Variants in SCYL3 observed in about 807,000 individuals in gnomAD.
The protein encoded by SCYL3 is SCY1 like pseudokinase 3.
SCYL3 carries 35 observed loss-of-function variants against 73.8 expected under a neutral mutation model. That is an observed-to-expected ratio of 0.47 (90% CI 0.36 to 0.63). The LOEUF is 0.63. Among genes scored for constraint, SCYL3 ranks in the 20% least tolerant of loss-of-function variants. The pLI is 0.00. For missense variants in SCYL3, 712 were observed against 798.9 expected, an observed-to-expected ratio of 0.89 and a Z score of 1.31; for synonymous variants, 277 against 295.2, an observed-to-expected ratio of 0.94 and a Z score of 0.63.
intron 10 of SCYL3, among the ~76,000 whole-genome samples, chr1:169,861,707 T>A (rs1312132469): frequency 6.6e-6 from 1 of 152,218 alleles, no homozygotes; most frequent in African/African-American, 2.4e-5. Flanking sequence ...TGTTAATCTA[T>A]CTCATAGGAA....
chr1:169,886,332 AGAG>A (rs1661688299), intron 2 of SCYL3, among the ~76,000 whole-genome samples: 1 of 152,186 alleles, frequency 6.6e-6, no homozygotes, highest in Admixed American at 6.5e-5. Context: ...TCAGTATGAG[AGAG>A]GAGAACAGCT....
Position 169,859,212 on chromosome 1 carries a change from C to T in SCYL3, c.1141G>A (p.Val381Ile), listed in dbSNP as rs1333035486. 1.2e-6 allele frequency: 2 copies of T among 1,607,976 alleles called. No homozygotes were observed. Among genetic ancestry groups the T allele is most frequent in the African/African-American group, 1.3e-5 (1 of 74,688 alleles). ...EQLKKVILPQ[V>I]LLGLRDTSDS... ...CTAGTATCACGCAGGCCCAGCAAAACCTAGGAGCAAATGAGGTAATAAGGG... is the reference window on the plus strand; with the variant it reads ...CTAGTATCACGCAGGCCCAGCAAAATCTAGGAGCAAATGAGGTAATAAGGG... The change falls in exon 11 of 13, where the codon GTT becomes ATT. Residue 381 changes from valine (V) to isoleucine (I), a missense_variant and splice_region_variant. Val to Ile is a conservative substitution (Grantham distance 29, BLOSUM62 3). Around this residue, in one of 2 missense-constraint regions of SCYL3, gnomAD observed 342 missense variants for 448.1 expected, o/e 0.76. Coordinates refer to ENST00000367771, the MANE Select transcript of SCYL3 (RefSeq NM_020423.7).
chr1:169,874,521 C>T (rs1427793156), intron 4 of SCYL3, among the ~76,000 whole-genome samples: 3 of 152,044 alleles, frequency 2.0e-5, no homozygotes, highest in Non-Finnish European at 4.4e-5. Flanking sequence ...GGAAGAAATG[C>T]ATTCCAGCAA....
At chr1:169,854,218 A>G in intron 12 of SCYL3, 52 bp downstream of exon 12, 1 of 1,389,714 alleles carries the variant, frequency 7.2e-7, no homozygotes, top group Non-Finnish European at 9.8e-7. Flanking sequence ...ACTAGGACCT[A>G]TGAGGGAAAT....
In SCYL3 at chr1:169,876,072, T is replaced by A. The variant is rs1660778427; in HGVS notation, c.371A>T (p.Asn124Ile). 6.2e-7 allele frequency: 1 copy of A among 1,601,108 alleles called. No individual in the cohort carries two copies. Among genetic ancestry groups the A allele is most frequent in the Non-Finnish European group, 8.5e-7 (1 of 1,173,284 alleles). The change falls in exon 4 of 13, where the codon AAT (asparagine) becomes ATT (isoleucine). Residue 124 changes from asparagine (N) to isoleucine (I), a missense_variant. This residue lies in a region of SCYL3 where 342 missense variants were observed against 448.1 expected (regional missense o/e 0.76). Transcript: ENST00000367771. The part of the protein sequence containing the change: ...LHDRGHLTHN[N>I]VCLSSVFVSE... ...CACAAACACAGATGATAAACAGACA[T>A]TATTGTGTGTTAGGTGTCCCTGGAA...
intron 7 of SCYL3, among the ~76,000 whole-genome samples, chr1:169,868,417 CTG>C (rs1276469952): frequency 1.3e-5 from 2 of 152,196 alleles, no homozygotes; most frequent in Non-Finnish European, 2.9e-5. Context: ...AAAAATATCT[CTG>C]AATCTAATAA....
At position 169,852,785 on chromosome 1, in the gene SCYL3, TCCAGCC is replaced by T; in HGVS notation, c.*922_*927del. The T allele has an allele frequency of 6.2e-7, 1 of 1,613,378 alleles. No individual in the cohort carries two copies. Among genetic ancestry groups the T allele is most frequent in the African/African-American group, 1.3e-5 (1 of 74,954 alleles). Reference sequence around the variant, plus strand: ...ATTGTGATATTACTTATGTTTTTTTTCCAGCCTTATGCAAAAAGAGCTCGTCAGGAG... The same window carrying T: ...ATTGTGATATTACTTATGTTTTTTTTTTATGCAAAAAGAGCTCGTCAGGAG... On this transcript the variant is annotated 3_prime_UTR_variant, in exon 13 of 13. Coordinates refer to ENST00000367771, the MANE Select transcript of SCYL3 (RefSeq NM_020423.7).
At chr1:169,855,113 A>G (rs1659008773) in intron 11 of SCYL3, 149 bp from the exon 12 acceptor site, 1 of 580,908 alleles carries the variant, frequency 1.7e-6, no homozygotes, top group Non-Finnish European at 3.0e-6. Flanking sequence ...CCAGCAGAAC[A>G]TTACTCAAGA....
intron 2 of SCYL3, among the ~76,000 whole-genome samples, chr1:169,880,169 G>T (rs1019133508): frequency 2.0e-5 from 3 of 151,682 alleles, no homozygotes; most frequent in African/African-American, 7.3e-5. Flanking sequence ...ATAACAAAAG[G>T]TCAAATAAAT....
chr1:169,855,771 A>G, intron 11 of SCYL3: 1 of 1,597,966 alleles, frequency 6.3e-7, no homozygotes, highest in Non-Finnish European at 8.5e-7. Flanking sequence ...GCAATGGAAA[A>G]GCTATATAAA....
At chr1:169,871,269 G>A (rs1660371117) in intron 5 of SCYL3, among the ~76,000 whole-genome samples, 1 of 152,210 alleles carries the variant, frequency 6.6e-6, no homozygotes, top group Admixed American at 6.5e-5. Context: ...ACCAGTGGCA[G>A]GTGACTGAAT....
chr1:169,877,713 G>C (rs1347313503), intron 3 of SCYL3, among the ~76,000 whole-genome samples: 1 of 152,162 alleles, frequency 6.6e-6, no homozygotes, highest in African/African-American at 2.4e-5. Context: ...TGGATTCAAG[G>C]ATGGGAGAGG....
intron 5 of SCYL3, among the ~76,000 whole-genome samples, chr1:169,872,905 T>C (rs1315807057): frequency 2.0e-5 from 3 of 152,240 alleles, no homozygotes; most frequent in Non-Finnish European, 4.4e-5. Flanking sequence ...CTAACTTGCT[T>C]CTGATTTTAC....
intron 2 of SCYL3, among the ~76,000 whole-genome samples, chr1:169,887,410 T>TA (rs1336271985): frequency 6.6e-6 from 1 of 152,020 alleles, no homozygotes; most frequent in Non-Finnish European, 1.5e-5. Context: ...AACACAATTT[T>TA]AAAAAAATCT....
In SCYL3 at chr1:169,852,520, C is replaced by CTTCT; in HGVS notation, c.*1189_*1192dup. On this transcript the variant is annotated 3_prime_UTR_variant, in exon 13 of 13. Transcript: ENST00000367771. ...ACATGTAAGCTTGGACTATGCAGCA[C>CTTCT]TTCTCATTGGGAGCCCTTTGGGACA... 2 of 464,734 alleles carry CTTCT rather than the reference C, an allele frequency of 4.3e-6. No homozygotes were observed. Among genetic ancestry groups the CTTCT allele is most frequent in the Non-Finnish European group, 7.7e-6 (2 of 260,692 alleles). 28.8% of individuals were successfully genotyped at this position (464,734 alleles called of 1,614,324 possible). A position where few individuals can be genotyped will look rare whatever the true frequency, so the allele number is the denominator to read the frequency against.
rs1266150294 is a variant in SCYL3 at position 169,854,452 on chromosome 1, C to A, written c.1825G>T (p.Val609Leu). The change falls in exon 12 of 13, where the codon GTA becomes TTA. Residue 609 changes from valine to leucine, a missense_variant. This residue lies in a region of SCYL3 where 370 missense variants were observed against 350.8 expected (regional missense o/e 1.05). Transcript: ENST00000367771. ...GGATCTTTTACTGGCTTCTTTTTTA[C>A]TTGAATGGTGAATTCCTCTCCTAAA... ...LGLGEEFTIQVKKKPVKDPEM... is the reference protein window; with the variant it reads ...LGLGEEFTIQLKKKPVKDPEM... 1 of 1,613,968 alleles carries A rather than the reference C, an allele frequency of 6.2e-7. No homozygotes were observed. Among genetic ancestry groups the A allele is most frequent in the Admixed American group, 1.7e-5 (1 of 59,996 alleles).
intron 5 of SCYL3, among the ~76,000 whole-genome samples, chr1:169,872,194 T>C (rs1055371084): frequency 6.6e-6 from 1 of 152,196 alleles, no homozygotes; most frequent in Non-Finnish European, 1.5e-5. Flanking sequence ...AGGGTCCCCA[T>C]GCTGTGTGAA....
chr1:169,867,896 T>G (rs1472897636), intron 7 of SCYL3, among the ~76,000 whole-genome samples: 1 of 152,158 alleles, frequency 6.6e-6, no homozygotes, highest in Non-Finnish European at 1.5e-5. Flanking sequence ...GAGAATCTAT[T>G]TACCATAAGG....
In SCYL3 at chr1:169,851,802, C is replaced by T; in HGVS notation, c.*1911G>A. 6.2e-7 allele frequency: 1 copy of T among 1,610,280 alleles called. No homozygotes were observed. Among genetic ancestry groups the T allele is most frequent in the South Asian group, 1.1e-5 (1 of 90,536 alleles). On this transcript the variant is annotated 3_prime_UTR_variant, in exon 13 of 13. Transcript: ENST00000367771. ...ACATGTTGCTATTTGCTTGGTTTTT[C>T]ATGGTCCCTGGCAGACTGGGTTTGT...
Sources: gnomAD v4.1 joint callset for allele counts (sites outside exome capture counted in the v4.1 genomes callset) on GRCh38, gnomAD v4.1.1 for gene constraint, gnomAD v4.1.1 regional missense constraint, MANE v1.5 for transcripts, NCBI Gene and HGNC (gene_info 2026-07-23, HGNC 2026-07-21) for gene names.